STAU2: variants seen among roughly 807,000 people sequenced by gnomAD.
The protein encoded by STAU2 is double-stranded RNA-binding protein Staufen homolog 2.
In STAU2, 20 loss-of-function variants were observed where a neutral mutation model predicts 65.9. The observed-to-expected ratio is 0.30, with a 90% CI of 0.21 to 0.44. The LOEUF (loss-of-function observed/expected upper bound fraction) is 0.44, where lower values mean the gene tolerates loss of function less well. Ranked by LOEUF, STAU2 falls within the 20% of genes least tolerant of loss-of-function variation. The pLI is 1.00. For missense variants in STAU2, 558 were observed against 683.9 expected, an observed-to-expected ratio of 0.82 and a Z score of 2.05; for synonymous variants, 232 against 233.9, an observed-to-expected ratio of 0.99 and a Z score of 0.07.
chr8:73,592,664 G>GC (rs1810907472), intron 11 of STAU2, among the ~76,000 whole-genome samples: 1 of 152,124 alleles, frequency 6.6e-6, no homozygotes, highest in Non-Finnish European at 1.5e-5. Flanking sequence ...AGCAAGACCA[G>GC]CCCAGCCAAC....
intron 3 of STAU2, among the ~76,000 whole-genome samples, chr8:73,730,993 C>T (rs1586370733): frequency 6.6e-6 from 1 of 152,284 alleles, no homozygotes; most frequent in East Asian, 1.9e-4. Context: ...AGTTAAGTTA[C>T]TTGGAATCAT....
chr8:73,446,824 A>C (rs1206161902), intron 13 of STAU2, among the ~76,000 whole-genome samples: 1 of 152,134 alleles, frequency 6.6e-6, no homozygotes, highest in Non-Finnish European at 1.5e-5. Flanking sequence ...AGACTATTTA[A>C]ATGTTAAAGG....
intron 6 of STAU2, among the ~76,000 whole-genome samples, chr8:73,643,686 CT>C (rs1815157009): frequency 6.6e-6 from 1 of 152,212 alleles, no homozygotes; most frequent in Admixed American, 6.5e-5. Context: ...AGACTAGGAA[CT>C]ACTGCCGTGT....
intron 3 of STAU2, 48 bp downstream of exon 3, chr8:73,738,236 C>T (rs1315416266): frequency 5.3e-6 from 8 of 1,496,594 alleles, no homozygotes; most frequent in Non-Finnish European, 7.4e-6. Flanking sequence ...CCACAATTTA[C>T]AGCCAAAGCA....
chr8:73,719,931 A>G (rs1821520699), intron 3 of STAU2, among the ~76,000 whole-genome samples: 1 of 152,126 alleles, frequency 6.6e-6, no homozygotes, highest in Admixed American at 6.5e-5. Context: ...ATCCGGACCT[A>G]GAGTTTTCTT....
In STAU2 at chr8:73,597,693, AAGG is replaced by A. The variant is rs1811305825; in HGVS notation, c.1030-2399_1030-2397del. ...TCAAAAAAAAAAAAAAAAAAAAAAA[AAGG>A]AATACTGAGAGCAATTTCATGCTAA... On this transcript the variant is annotated intron_variant, in intron 10 of 14. Transcript: ENST00000524300. Among the ~76,000 whole-genome samples the A allele has an allele frequency of 2.0e-5, 3 of 150,000 alleles. No homozygotes were observed. The South Asian group carries it at 6.3e-4, about 31-fold the overall frequency.
At chr8:73,636,041 C>A (rs1420752984) in intron 6 of STAU2, among the ~76,000 whole-genome samples, 3 of 151,444 alleles carry the variant, frequency 2.0e-5, no homozygotes, top group African/African-American at 7.3e-5. Flanking sequence ...GAGACCCCAG[C>A]CAACTAACTG....
chr8:73,521,718 T>C (rs2128928659), intron 13 of STAU2, among the ~76,000 whole-genome samples: 1 of 152,306 alleles, frequency 6.6e-6, no homozygotes, highest in East Asian at 1.9e-4. Flanking sequence ...AGCCACTTGA[T>C]CATGAGGAAA....
intron 5 of STAU2, among the ~76,000 whole-genome samples, chr8:73,675,083 A>G (rs570134236): frequency 3.3e-5 from 5 of 151,922 alleles, no homozygotes; most frequent in South Asian, 2.1e-4. Flanking sequence ...AATCAAAATT[A>G]TATCAACTAC....
intron 13 of STAU2, chr8:73,549,567 TG>T: frequency 1.1e-6 from 1 of 882,590 alleles, no homozygotes; most frequent in Non-Finnish European, 1.4e-6. Context: ...AATTAAAGAC[TG>T]GGTGATGAAA....
Position 73,737,694 on chromosome 8 carries a change from G to A in STAU2, c.-18+590C>T, listed in dbSNP as rs528950761. On this transcript the variant is annotated intron_variant, in intron 3 of 14. Coordinates refer to ENST00000524300, the MANE Select transcript of STAU2 (RefSeq NM_001164380.2). ...TGGGACTACAGGTTTGAGCCACCCA[G>A]CCTGGCCAAAAGTATTTTCTAACAC... 5.9e-5 allele frequency among the ~76,000 whole-genome samples: 9 copies of A among 151,652 alleles called. No homozygotes were observed. In the South Asian group the frequency reaches 1.9e-3, roughly 32 times the overall value.
At chr8:73,441,121 C>T (rs1027986850) in intron 13 of STAU2, 4 of 152,386 alleles carry the variant, frequency 2.6e-5, no homozygotes, top group Admixed American at 1.3e-4. Context: ...CACTCCTACC[C>T]TTATATTCTC....
intron 13 of STAU2, among the ~76,000 whole-genome samples, chr8:73,446,176 A>T (rs1460851860): frequency 1.3e-5 from 2 of 152,216 alleles, no homozygotes; most frequent in African/African-American, 4.8e-5. Context: ...GAGTGAACAA[A>T]AGTCCATCTC....
intron 6 of STAU2, among the ~76,000 whole-genome samples, chr8:73,654,908 A>G (rs1284912176): frequency 6.6e-6 from 1 of 151,930 alleles, no homozygotes; most frequent in Non-Finnish European, 1.5e-5. Context: ...GATGGTCTCG[A>G]TCTCCTGACC....
intron 5 of STAU2, chr8:73,675,452 C>T (rs1175593937): frequency 1.3e-5 from 2 of 151,522 alleles, no homozygotes; most frequent in African/African-American, 4.8e-5. Context: ...TATTCAACAA[C>T]AAAACATACG....
intron 10 of STAU2, among the ~76,000 whole-genome samples, chr8:73,599,253 T>C (rs1018161671): frequency 7.2e-5 from 11 of 152,090 alleles, no homozygotes; most frequent in African/African-American, 1.9e-4. Context: ...ATGAAGTTAA[T>C]ATAAAGAAAA....
chr8:73,517,856 T>A (rs1822826023), intron 13 of STAU2, among the ~76,000 whole-genome samples: 1 of 152,198 alleles, frequency 6.6e-6, no homozygotes, highest in African/African-American at 2.4e-5. Flanking sequence ...ATATATGCAA[T>A]CTCTCAGAAA....
chr8:73,710,591 A>G (rs2130651866), intron 3 of STAU2, among the ~76,000 whole-genome samples: 1 of 152,194 alleles, frequency 6.6e-6, no homozygotes, highest in African/African-American at 2.4e-5. Context: ...AATGTATGAT[A>G]TGGTTTTCTA....
At chr8:73,723,622 A>G (rs373418307) in intron 3 of STAU2, among the ~76,000 whole-genome samples, 153 of 152,250 alleles carry the variant, frequency 1.0e-3, no homozygotes, top group African/African-American at 3.5e-3. Flanking sequence ...AAGTTCATTC[A>G]TAATTTTTTC....
Sources: gnomAD v4.1 joint callset for allele counts (sites outside exome capture counted in the v4.1 genomes callset) on GRCh38, gnomAD v4.1.1 for gene constraint, MANE v1.5 for transcripts, NCBI Gene and HGNC (gene_info 2026-07-23, HGNC 2026-07-21) for gene names.